The following SORBS2 variants were observed in gnomAD, a reference collection of about 807,000 sequenced individuals.
SORBS2 encodes sorbin and SH3 domain-containing protein 2.
In SORBS2, 46 loss-of-function variants were observed where a neutral mutation model predicts 97.7. The observed-to-expected ratio is 0.47, with a 90% confidence interval of 0.37 to 0.60. The LOEUF (loss-of-function observed/expected upper bound fraction) is 0.60. SORBS2 is among the 20% of genes least tolerant of loss of function. The pLI is 0.00. For missense variants in SORBS2, 1,316 were observed against 1,282.3 expected, an observed-to-expected ratio of 1.03 and a Z score of -0.40; for synonymous variants, 476 against 473.4, an observed-to-expected ratio of 1.01 and a Z score of -0.07.
chr4:185,808,087 T>C (rs1020618519), intron 1 of SORBS2, among the ~76,000 whole-genome samples: 2 of 152,176 alleles, frequency 1.3e-5, no homozygotes, highest in African/African-American at 4.8e-5. Context: ...CAATTCCAAC[T>C]TTAGCTATTA....
intron 2 of SORBS2, among the ~76,000 whole-genome samples, chr4:185,686,815 C>T (rs1027546815): frequency 1.3e-5 from 2 of 152,186 alleles, no homozygotes; most frequent in Admixed American, 6.5e-5. Context: ...CTGTGGGCTG[C>T]GATGCCCTGG....
intron 4 of SORBS2, among the ~76,000 whole-genome samples, chr4:185,633,070 T>A (rs187551186): frequency 1.3e-5 from 2 of 152,320 alleles, no homozygotes; most frequent in East Asian, 3.9e-4. Flanking sequence ...ACTTAGAAGG[T>A]CAATTTAGTG....
chr4:185,602,496 A>G (rs1034935216), intron 12 of SORBS2, among the ~76,000 whole-genome samples: 1 of 152,204 alleles, frequency 6.6e-6, no homozygotes, highest in Admixed American at 6.5e-5. Flanking sequence ...ACTTTTATGG[A>G]GATTGTCATT....
intron 12 of SORBS2, among the ~76,000 whole-genome samples, chr4:185,605,578 TGGCC>T (rs1213642322): frequency 5.9e-5 from 9 of 151,916 alleles, no homozygotes; most frequent in African/African-American, 2.2e-4. Flanking sequence ...CCACCGCAGC[TGGCC>T]TTAAGTTTCT....
At chr4:185,627,858 C>T (rs1434996951) in intron 5 of SORBS2, among the ~76,000 whole-genome samples, 2 of 146,438 alleles carry the variant, frequency 1.4e-5, no homozygotes, top group Admixed American at 6.8e-5. Context: ...CCCGCTCATC[C>T]TGGCACCCAC....
intron 2 of SORBS2, among the ~76,000 whole-genome samples, chr4:185,741,932 T>C (rs182188079): frequency 4.1e-4 from 63 of 152,258 alleles, no homozygotes; most frequent in Non-Finnish European, 7.4e-4. Context: ...CTGTGCTCAC[T>C]TTGTCTCACC....
chr4:185,602,330 G>GA (rs755654455), intron 12 of SORBS2, among the ~76,000 whole-genome samples: 13 of 152,102 alleles, frequency 8.5e-5, no homozygotes, highest in African/African-American at 2.4e-4. Context: ...TTTTTGTTAT[G>GA]AAAAAATCAT....
chr4:185,787,841 A>G (rs1188679601), intron 1 of SORBS2, among the ~76,000 whole-genome samples: 1 of 152,194 alleles, frequency 6.6e-6, no homozygotes, highest in Non-Finnish European at 1.5e-5. Context: ...TATAGTTCTC[A>G]CTTTTCATTT....
chr4:185,624,154 C>A (rs376629500), exon 7 of SORBS2: 49 of 1,614,152 alleles, frequency 3.0e-5, no homozygotes, highest in Non-Finnish European at 3.9e-5. Context: ...GGGACCCCCA[C>A]GCCATGGGGC....
At chr4:185,762,623 C>T (rs2098904151) in intron 2 of SORBS2, among the ~76,000 whole-genome samples, 1 of 152,136 alleles carries the variant, frequency 6.6e-6, no homozygotes, top group South Asian at 2.1e-4. Context: ...GAGTCAGCAG[C>T]ATGTAATGCC....
intron 2 of SORBS2, among the ~76,000 whole-genome samples, chr4:185,693,295 C>G (rs951673405): frequency 6.6e-6 from 1 of 152,130 alleles, no homozygotes; most frequent in African/African-American, 2.4e-5. Flanking sequence ...TGGCGTATTT[C>G]TAAAAACTCA....
chr4:185,721,084 CTTTTTTTTTT>C (rs1160319469), intron 2 of SORBS2, among the ~76,000 whole-genome samples: 2 of 92,194 alleles, frequency 2.2e-5, no homozygotes, highest in Admixed American at 1.3e-4. Context: ...CCCACCTATT[CTTTTTTTTTT>C]TTTTTTTTTT....
chr4:185,731,875 T>C lies in SORBS2; in HGVS notation c.-198+43352A>G, dbSNP rs1268893304. 2.7e-3 allele frequency among the ~76,000 whole-genome samples: 62 copies of C among 23,394 alleles called. 1 individual carries two copies. Among genetic ancestry groups the C allele is most frequent in the Non-Finnish European group, 3.6e-3 (39 of 10,980 alleles). The allele number at this position is 23,394 out of a possible 152,430, so 15.3% of individuals were successfully genotyped here. On this transcript the variant is annotated intron_variant, in intron 2 of 20. Coordinates refer to the SORBS2 transcript ENST00000284776. ...CTCTCTCTCTCTCTCTCTATATATA[T>C]ATATATATATATATATATATATATA...
At chr4:185,772,031 A>C (rs774996864) in intron 2 of SORBS2, 1 of 152,218 alleles carries the variant, frequency 6.6e-6, no homozygotes. Flanking sequence ...AAAAAATTCA[A>C]TATTCAGCCA....
chr4:185,630,715 AC>A, intron 4 of SORBS2, 117 bp from the exon 17 acceptor site: 2 of 644,428 alleles, frequency 3.1e-6, no homozygotes, highest in Non-Finnish European at 5.5e-6. Flanking sequence ...GGTTGAAAGT[AC>A]CATTCATTAT....
intron 4 of SORBS2, 143 bp from the exon 17 acceptor site, chr4:185,630,741 C>A (rs2096892723): frequency 3.3e-6 from 2 of 609,944 alleles, no homozygotes; most frequent in African/African-American, 1.9e-5. Flanking sequence ...ATAAAAATGT[C>A]TTCCCAAAGA....
chr4:185,906,298 G>T (rs1457353265), intron 1 of SORBS2, among the ~76,000 whole-genome samples: 1 of 152,156 alleles, frequency 6.6e-6, no homozygotes, highest in Non-Finnish European at 1.5e-5. Context: ...CTCCCAAAGT[G>T]CTGGGATTAT....
intron 4 of SORBS2, among the ~76,000 whole-genome samples, chr4:185,670,199 A>C (rs534598241): frequency 6.6e-6 from 1 of 152,262 alleles, no homozygotes; most frequent in Non-Finnish European, 1.5e-5. Context: ...AGCCTGGGTG[A>C]CAGAGCAAGA....
chr4:185,946,276 G>A (rs2099274519), intron 1 of SORBS2, among the ~76,000 whole-genome samples: 1 of 152,200 alleles, frequency 6.6e-6, no homozygotes, highest in Non-Finnish European at 1.5e-5. Context: ...ACTCTGGCAA[G>A]TATGTAGAAG....
Sources: gnomAD v4.1 joint callset for allele counts (sites outside exome capture counted in the v4.1 genomes callset) on GRCh38, gnomAD v4.1.1 for gene constraint, MANE v1.5 for transcripts, NCBI Gene and HGNC (gene_info 2026-07-23, HGNC 2026-07-21) for gene names.